ARHGAP8: variants seen among roughly 807,000 people sequenced by gnomAD.
The protein encoded by ARHGAP8 is rho GTPase-activating protein 8.
ARHGAP8 carries 62 observed loss-of-function variants against 46.1 expected under a neutral mutation model. The ratio of observed to expected loss-of-function variants is 1.34; its 90% confidence interval spans 1.10 to 1.66. The LOEUF (loss-of-function observed/expected upper bound fraction) is 1.66. Among genes scored for constraint, ARHGAP8 ranks in the 40% most tolerant of loss-of-function variants. The pLI is 0.00. For synonymous variants in ARHGAP8, 375 were observed against 243.1 expected, an observed-to-expected ratio of 1.54 and a Z score of -5.05; for missense variants, 923 against 568.4, an observed-to-expected ratio of 1.62 and a Z score of -6.34.
Position 44,811,385 on chromosome 22 carries a change from T to G in ARHGAP8, c.299+2947T>G, listed in dbSNP as rs143293581. 6.0e-4 allele frequency among the ~76,000 whole-genome samples: 92 copies of G among 152,282 alleles called. 1 individual carries two copies. Among genetic ancestry groups the G allele is most frequent in the Middle Eastern group, 6.8e-3 (2 of 294 alleles). ...TCAGAGCTCTCACATTGAAGGGCGTTGATAAGTGGAGCCACGCAGGTGGAG... is the reference window on the plus strand; with the variant it reads ...TCAGAGCTCTCACATTGAAGGGCGTGGATAAGTGGAGCCACGCAGGTGGAG... On this transcript the variant is annotated intron_variant, in intron 4 of 11. Transcript: ENST00000356099.
intron 1 of ARHGAP8, among the ~76,000 whole-genome samples, chr22:44,762,395 C>G (rs1483804582): frequency 6.6e-6 from 1 of 151,984 alleles, no homozygotes; most frequent in Admixed American, 6.6e-5. Context: ...ATGATCATAC[C>G]ACTGTACTCC....
At chr22:44,816,851 CCTTTCTTTTCTTTCTTTTTT>C (rs1399333124) in intron 5 of ARHGAP8, among the ~76,000 whole-genome samples, 20 of 147,260 alleles carry the variant, frequency 1.4e-4, no homozygotes, top group Non-Finnish European at 2.2e-4. Context: ...CGGCTTGGAG[CCTTTCTTTTCTTTCTTTTTT>C]CTTTCTTTCT....
chr22:44,814,818 A>G, intron 5 of ARHGAP8, 60 bp downstream of exon 5: 2 of 1,586,348 alleles, frequency 1.3e-6, no homozygotes, highest in East Asian at 4.5e-5. Context: ...CTCAGGGTCC[A>G]TGGGACGGCC....
At chr22:44,771,807 G>A (rs12159781) in intron 1 of ARHGAP8, among the ~76,000 whole-genome samples, 8,231 of 151,678 alleles carry the variant, frequency 0.054, 704 homozygotes, top group African/African-American at 0.19. Flanking sequence ...CACCCGCCTC[G>A]GCCTCCCAAA....
chr22:44,769,637 A>G lies in ARHGAP8; in HGVS notation c.-71-16820A>G, dbSNP rs1925850773. On this transcript the variant is annotated intron_variant, in intron 1 of 11. Transcript: ENST00000356099. ...TAGATCCCTTTACTTTTTTTCAACA[A>G]TGTTTTGTAGTTTTCTGTGTAAAGG... Among the ~76,000 whole-genome samples the G allele has an allele frequency of 6.6e-5, 10 of 152,172 alleles. No homozygotes were observed. The South Asian group carries it at 2.1e-3, about 32-fold the overall frequency.
intron 1 of ARHGAP8, among the ~76,000 whole-genome samples, chr22:44,768,655 C>G (rs544432215): frequency 2.6e-5 from 4 of 151,942 alleles, no homozygotes; most frequent in South Asian, 2.1e-4. Flanking sequence ...TCCTGTAAAC[C>G]GAACATTAGC....
chr22:44,786,694 C>G, intron 2 of ARHGAP8, 88 bp downstream of exon 2: 2 of 1,492,022 alleles, frequency 1.3e-6, no homozygotes, highest in Non-Finnish European at 9.0e-7. Context: ...TCGTCAGGGG[C>G]TGCCTCACTG....
At chr22:44,806,278 G>T (rs1381845715) in intron 3 of ARHGAP8, among the ~76,000 whole-genome samples, 2 of 152,184 alleles carry the variant, frequency 1.3e-5, no homozygotes, top group African/African-American at 4.8e-5. Context: ...CGGTGGCTTA[G>T]CCCACATGGT....
chr22:44,758,217 G>A (rs1425873679), intron 1 of ARHGAP8, among the ~76,000 whole-genome samples: 1 of 152,158 alleles, frequency 6.6e-6, no homozygotes, highest in East Asian at 1.9e-4. Flanking sequence ...TTGGGAGGCC[G>A]AGGCAGGCAG....
intron 1 of ARHGAP8, among the ~76,000 whole-genome samples, chr22:44,771,743 T>G (rs1269146184): frequency 6.7e-6 from 1 of 150,332 alleles, no homozygotes; most frequent in Admixed American, 6.7e-5. Flanking sequence ...TTAGTAGAGA[T>G]AGGGTTTCAC....
intron 1 of ARHGAP8, among the ~76,000 whole-genome samples, chr22:44,775,805 G>T (rs534723361): frequency 6.6e-6 from 1 of 152,016 alleles, no homozygotes; most frequent in Non-Finnish European, 1.5e-5. Context: ...AGCACAAATC[G>T]TATCTCATTT....
At chr22:44,835,712 A>T (rs1279823581) in intron 7 of ARHGAP8, among the ~76,000 whole-genome samples, 1 of 152,196 alleles carries the variant, frequency 6.6e-6, no homozygotes, top group South Asian at 2.1e-4. Context: ...CTTCTTTGCC[A>T]CTGGAAGAAA....
chr22:44,772,126 G>A (rs748134102), intron 1 of ARHGAP8, among the ~76,000 whole-genome samples: 14 of 149,730 alleles, frequency 9.4e-5, no homozygotes, highest in Non-Finnish European at 1.6e-4. Context: ...TGAATGTTGT[G>A]AAATCCTTTT....
At chr22:44,792,876 T>G (rs576654650) in intron 2 of ARHGAP8, among the ~76,000 whole-genome samples, 3 of 151,422 alleles carry the variant, frequency 2.0e-5, no homozygotes, top group South Asian at 2.1e-4. Flanking sequence ...CAGGCTGGAG[T>G]GCAGTGGCGC....
intron 7 of ARHGAP8, among the ~76,000 whole-genome samples, chr22:44,839,349 T>C (rs1038085105): frequency 1.3e-5 from 2 of 152,024 alleles, no homozygotes; most frequent in African/African-American, 4.8e-5. Context: ...AAAAGCAAAA[T>C]TGCCATGAAA....
chr22:44,834,589 G>T (rs1220741490), intron 7 of ARHGAP8, among the ~76,000 whole-genome samples: 1 of 152,082 alleles, frequency 6.6e-6, no homozygotes, highest in African/African-American at 2.4e-5. Flanking sequence ...ATTATTGTTG[G>T]GTGGAGTGCT....
intron 5 of ARHGAP8, among the ~76,000 whole-genome samples, chr22:44,816,135 C>G (rs188710446): frequency 6.8e-6 from 1 of 146,448 alleles, no homozygotes; most frequent in African/African-American, 2.5e-5. Context: ...CATCTCCCCC[C>G]TCGGCTCCTT....
At chr22:44,784,894 C>G (rs980144271) in intron 1 of ARHGAP8, among the ~76,000 whole-genome samples, 20 of 152,184 alleles carry the variant, frequency 1.3e-4, no homozygotes, top group African/African-American at 4.1e-4. Flanking sequence ...GAGGGGTGTC[C>G]TGTGGCACCC....
At chr22:44,757,042 G>A (rs575007533) in intron 1 of ARHGAP8, among the ~76,000 whole-genome samples, 14 of 152,008 alleles carry the variant, frequency 9.2e-5, no homozygotes, top group African/African-American at 2.9e-4. Flanking sequence ...GAGCCTTCCC[G>A]AGTAGCTCAG....
Sources: allele counts gnomAD v4.1 joint callset (sites outside exome capture counted in the v4.1 genomes callset), GRCh38; gene constraint gnomAD v4.1.1; transcripts MANE v1.5; gene names NCBI Gene and HGNC (gene_info 2026-07-23, HGNC 2026-07-21).